Variants in TBP observed in about 807,000 individuals in gnomAD.
TBP encodes TATA-box-binding protein.
TBP carries 12 observed loss-of-function variants against 46.2 expected under a neutral mutation model. The observed-to-expected ratio is 0.26, with a 90% confidence interval of 0.17 to 0.42. TBP has a LOEUF of 0.42. TBP is among the 10% of genes least tolerant of loss of function. The probability of loss-of-function intolerance (pLI) is 1.00; values close to 1 mark genes in which losing one functional copy is unlikely to be tolerated. For missense variants in TBP, 229 were observed against 403.1 expected (o/e 0.57, Z 3.70); for synonymous variants, 157 against 148.3 (o/e 1.06, Z -0.42).
At position 170,572,255 on chromosome 6, in the gene TBP, A is replaced by C; in HGVS notation, c.1010A>C (p.Lys337Thr). 6.2e-7 allele frequency: 1 copy of C among 1,613,564 alleles called. No individual in the cohort carries two copies. Among genetic ancestry groups the C allele is most frequent in the Non-Finnish European group, 8.5e-7 (1 of 1,179,632 alleles). The change falls in exon 8 of 8, where the codon AAG becomes ACG. Residue 337 changes from lysine to threonine, a missense_variant. Lys to Thr is a moderately conservative substitution (Grantham distance 78). Transcript: ENST00000392092. The part of the protein sequence containing the change: ...NIYPILKGFR[K>T]TT ...TACCCTATTCTAAAGGGATTCAGGA[A>C]GACGACGTAATGGCTCTCATGTACC...
chr6:170,569,501 C>G, intron 5 of TBP, 111 bp from the exon 6 acceptor site: 1 of 842,546 alleles, frequency 1.2e-6, no homozygotes, highest in Non-Finnish European at 1.7e-6. Flanking sequence ...AGAAGGCTGA[C>G]CAGTTTACAC....
At chr6:170,565,254 T>A (rs1475317575) in intron 4 of TBP, among the ~76,000 whole-genome samples, 3 of 152,240 alleles carry the variant, frequency 2.0e-5, no homozygotes, top group African/African-American at 7.2e-5. Flanking sequence ...TTTGTATCTT[T>A]TATTGAGTGT....
At position 170,562,034 on chromosome 6, in the gene TBP, G is replaced by A. The variant is rs1779158656; in HGVS notation, c.298G>A (p.Ala100Thr). 3 of 1,612,896 alleles carry A rather than the reference G, an allele frequency of 1.9e-6. No homozygotes were observed. The highest frequency in any genetic ancestry group is 1.7e-6 in the Non-Finnish European group (2 of 1,179,568). ...QQQQQQAVAA[A>T]AVQQSTSQQA... ...GCAGCAGCAACAGGCAGTGGCAGCT[G>A]CAGCCGTTCAGCAGTCAACGTCCCA... Residue 100 changes from alanine to threonine, a missense_variant, in exon 3 of 8, where the codon GCA becomes ACA. Around this residue, in one of 4 missense-constraint regions of TBP, gnomAD observed 69 missense variants for 66.2 expected, o/e 1.04. Coordinates refer to ENST00000392092, the MANE Select transcript of TBP (RefSeq NM_003194.5).
Position 170,557,220 on chromosome 6 carries a change from G to A in TBP, c.54+137G>A, listed in dbSNP as rs189715661. ...TGTTTTTTAAGCCTTATTTTGTTGA[G>A]AAGTTCTATTAGGCTTTGAATAGGC... On this transcript the variant is annotated intron_variant, in intron 2 of 7. Coordinates refer to ENST00000392092, the MANE Select transcript of TBP (RefSeq NM_003194.5). 3.4e-3 allele frequency: 2,706 copies of A among 800,242 alleles called. 9 individuals are homozygous for A. The highest frequency in any genetic ancestry group is 1.0e-2 in the South Asian group (581 of 58,298). The allele number at this position is 800,242 out of a possible 1,614,324, so 49.6% of individuals were successfully genotyped here.
Position 170,556,966 on chromosome 6 carries a change from A to C in TBP, c.-64A>C. ...GTGTGCTGGAGATGCTCTAGGAAAA[A>C]ATTGAATAGTGAGACGAGTTCCAGC... is the stretch of plus-strand genomic sequence containing the variant. On this transcript the variant is annotated 5_prime_UTR_variant, in exon 2 of 8. Transcript: ENST00000392092. 1 of 1,545,470 alleles carries C rather than the reference A, an allele frequency of 6.5e-7. No individual in the cohort carries two copies. The highest frequency in any genetic ancestry group is 8.9e-7 in the Non-Finnish European group (1 of 1,119,700).
chr6:170,563,917 A>C (rs1037710615), intron 3 of TBP, among the ~76,000 whole-genome samples: 1 of 152,188 alleles, frequency 6.6e-6, no homozygotes, highest in Non-Finnish European at 1.5e-5. Flanking sequence ...ATCCTTGTAT[A>C]AGTTATTCGT....
chr6:170,571,449 G>T lies in TBP; in HGVS notation c.885G>T (p.Met295Ile). 2 of 1,613,914 alleles carry T rather than the reference G, an allele frequency of 1.2e-6. No individual in the cohort carries two copies. The highest frequency in any genetic ancestry group is 2.2e-5 in the South Asian group (2 of 91,054). The change falls in exon 7 of 8, where the codon ATG becomes ATT. Residue 295 changes from methionine to isoleucine, a missense_variant. Around this residue, in one of 4 missense-constraint regions of TBP, gnomAD observed 44 missense variants for 54.1 expected, o/e 0.81. Coordinates refer to ENST00000392092, the MANE Select transcript of TBP (RefSeq NM_003194.5). ...PELFPGLIYR[M>I]IKPRIVLLIF... is the part of the protein sequence containing the mutation. ...TATTTCCTGGTTTAATCTACAGAATGATCAAACCCAGAATTGTTCTCCTTA... is the reference window on the plus strand; with the variant it reads ...TATTTCCTGGTTTAATCTACAGAATTATCAAACCCAGAATTGTTCTCCTTA...
chr6:170,571,546 T>C, intron 7 of TBP, 42 bp downstream of exon 7: 1 of 1,460,916 alleles, frequency 6.8e-7, no homozygotes, highest in Non-Finnish European at 9.6e-7. Flanking sequence ...TTTGTAAGTG[T>C]TTTGAGTATG....
At chr6:170,566,325 C>A (rs1779245776) in intron 4 of TBP, among the ~76,000 whole-genome samples, 1 of 152,090 alleles carries the variant, frequency 6.6e-6, no homozygotes, top group African/African-American at 2.4e-5. Flanking sequence ...AAAGAATTAA[C>A]ATGTTTCAAG....
chr6:170,566,879 T>C, intron 4 of TBP, 39 bp from the exon 5 acceptor site: 3 of 1,589,828 alleles, frequency 1.9e-6, no homozygotes, highest in Non-Finnish European at 8.6e-7. Context: ...TTGAGCAGTT[T>C]GGCATGACCT....
intron 2 of TBP, among the ~76,000 whole-genome samples, chr6:170,560,072 A>G (rs1028477098): frequency 6.6e-6 from 1 of 152,246 alleles, no homozygotes; most frequent in Non-Finnish European, 1.5e-5. Context: ...ACTCACTGAC[A>G]GTGTAACTAG....
At chr6:170,560,252 AC>A (rs1229822732) in intron 2 of TBP, among the ~76,000 whole-genome samples, 1 of 151,938 alleles carries the variant, frequency 6.6e-6, no homozygotes, top group African/African-American at 2.4e-5. Flanking sequence ...TAATCTCAGT[AC>A]TTTGGGAGGC....
rs770839722 is a variant in TBP, at chr6:170,566,899, TTC to T, written c.586-13_586-12del. 3.1e-6 allele frequency: 5 copies of T among 1,610,040 alleles called. No homozygotes were observed. In the Admixed American group the frequency reaches 8.4e-5, roughly 27 times the overall value. ...CAGTTTGGCATGACCTCACTAATGA[TTC>T]TCTCTGACCATTGTAGCGGTTTGCT... On this transcript the variant is annotated splice_polypyrimidine_tract_variant and intron_variant, in intron 4 of 7. Transcript: ENST00000392092.
Position 170,572,456 on chromosome 6 carries a change from A to G in TBP, c.*191A>G. The G allele has an allele frequency of 1.6e-6, 1 of 606,700 alleles. No individual in the cohort carries two copies. Among genetic ancestry groups the G allele is most frequent in the South Asian group, 2.0e-5 (1 of 49,418 alleles). The allele number at this position is 606,700 out of a possible 1,614,324, so 37.6% of individuals were successfully genotyped here. A position where few individuals can be genotyped will look rare whatever the true frequency, so the allele number is the denominator to read the frequency against. On this transcript the variant is annotated 3_prime_UTR_variant, in exon 8 of 8. Coordinates refer to ENST00000392092, the MANE Select transcript of TBP (RefSeq NM_003194.5). ...GGGAAGGGGCATTATTTGTGCACTG[A>G]GAACACCGCGCAGCGTGACTGTGAG... is the stretch of plus-strand genomic sequence containing the variant.
At chr6:170,561,723 C>T in intron 2 of TBP, 68 bp from the exon 3 acceptor site, 1 of 1,562,714 alleles carries the variant, frequency 6.4e-7, no homozygotes. Flanking sequence ...CCTGCTGTTC[C>T]ACCAAGAAAG....
chr6:170,568,329 C>G (rs1173212739), intron 5 of TBP, among the ~76,000 whole-genome samples: 2 of 152,116 alleles, frequency 1.3e-5, no homozygotes, highest in East Asian at 3.9e-4. Flanking sequence ...TTCATCAAGA[C>G]AAGAAACCAC....
rs1232155570 is a variant in TBP at position 170,569,755 on chromosome 6, T to TG, written c.822dup (p.Leu275AlafsTer7). ...TTTCCTATAAGGTTAGAAGGCCTTGTGCTCACCCACCAACAATTTAGTAGG... is the reference window on the plus strand; with the variant it reads ...TTTCCTATAAGGTTAGAAGGCCTTGTGGCTCACCCACCAACAATTTAGTAGG... On this transcript the variant is annotated frameshift_variant, in exon 6 of 8. Coordinates refer to ENST00000392092, the MANE Select transcript of TBP (RefSeq NM_003194.5). LOFTEE classifies it high-confidence loss of function. 1 of 1,613,622 alleles carries TG rather than the reference T, an allele frequency of 6.2e-7. No homozygotes were observed. Among genetic ancestry groups the TG allele is most frequent in the Non-Finnish European group, 8.5e-7 (1 of 1,179,946 alleles).
intron 1 of TBP, among the ~76,000 whole-genome samples, chr6:170,555,162 T>C (rs1330096052): frequency 6.6e-6 from 1 of 152,226 alleles, no homozygotes; most frequent in Non-Finnish European, 1.5e-5. Context: ...CAGTAATCAC[T>C]GTGCGGTTTC....
chr6:170,559,963 A>G (rs1210372832), intron 2 of TBP, among the ~76,000 whole-genome samples: 2 of 152,170 alleles, frequency 1.3e-5, no homozygotes, highest in Non-Finnish European at 2.9e-5. Context: ...AAACAGAACA[A>G]CAAAACCTGA....
Sources: gnomAD v4.1 joint callset for allele counts (sites outside exome capture counted in the v4.1 genomes callset) on GRCh38, gnomAD v4.1.1 for gene constraint, gnomAD v4.1.1 regional missense constraint, MANE v1.5 for transcripts, NCBI Gene and HGNC (gene_info 2026-07-23, HGNC 2026-07-21) for gene names.